The following ZCCHC2 variants were observed in gnomAD, a reference collection of about 807,000 sequenced individuals.
The protein encoded by ZCCHC2 is zinc finger CCHC-type containing 2.
In ZCCHC2, 39 loss-of-function variants were observed where a neutral mutation model predicts 103.6. The observed-to-expected ratio is 0.38, with a 90% confidence interval of 0.29 to 0.49. ZCCHC2 has a LOEUF of 0.49. Ranked by LOEUF, ZCCHC2 falls within the 20% of genes least tolerant of loss-of-function variation. ZCCHC2 has a pLI of 0.96. For synonymous variants in ZCCHC2, 687 were observed against 608.9 expected (o/e 1.13, Z -1.89); for missense variants, 1,483 against 1,491.0 (o/e 0.99, Z 0.09).
At chr18:62,541,723 T>C (rs547782491) in intron 2 of ZCCHC2, among the ~76,000 whole-genome samples, 2 of 152,346 alleles carry the variant, frequency 1.3e-5, no homozygotes, top group East Asian at 1.9e-4. Flanking sequence ...GAGTACGCTT[T>C]GTAGATTGGC....
chr18:62,539,860 G>A, intron 2 of ZCCHC2, 68 bp downstream of exon 2: 1 of 1,272,764 alleles, frequency 7.9e-7, no homozygotes, highest in Non-Finnish European at 1.1e-6. Context: ...TCTTTACGCT[G>A]ATTAACTCTA....
intron 3 of ZCCHC2, among the ~76,000 whole-genome samples, chr18:62,544,588 A>G (rs1915334072): frequency 6.6e-6 from 1 of 152,220 alleles, no homozygotes; most frequent in Non-Finnish European, 1.5e-5. Flanking sequence ...TGCCATTTTG[A>G]AAAGAGTTAT....
chr18:62,528,101 A>G (rs1485693356), intron 1 of ZCCHC2, among the ~76,000 whole-genome samples: 1 of 152,266 alleles, frequency 6.6e-6, no homozygotes, highest in Non-Finnish European at 1.5e-5. Context: ...TGTCACCAAG[A>G]TCTTCAAAGC....
In ZCCHC2 at chr18:62,556,772, C is replaced by T. The variant is rs141906302; in HGVS notation, c.1408+475C>T. Reference sequence around the variant, plus strand: ...AAGGATGTCTTCCTTTATGTCCCTTCGTCACCATCCCTTTGTTTACAGTTA... The same window carrying T: ...AAGGATGTCTTCCTTTATGTCCCTTTGTCACCATCCCTTTGTTTACAGTTA... On this transcript the variant is annotated intron_variant, in intron 6 of 13. Coordinates refer to ENST00000269499, the MANE Select transcript of ZCCHC2 (RefSeq NM_017742.6). Among the ~76,000 whole-genome samples, 25 of 152,340 alleles carry T rather than the reference C, an allele frequency of 1.6e-4. No homozygotes were observed. The East Asian group carries it at 4.2e-3, about 26-fold the overall frequency.
chr18:62,576,717 T>TTGGTAC lies in ZCCHC2; in HGVS notation c.*138_*139insTGGTAC. 1.3e-6 allele frequency: 1 copy of TTGGTAC among 779,154 alleles called. No individual in the cohort carries two copies. Among genetic ancestry groups the TTGGTAC allele is most frequent in the Non-Finnish European group, 2.0e-6 (1 of 491,146 alleles). 48.3% of individuals were successfully genotyped at this position (779,154 alleles called of 1,614,324 possible). A position where few individuals can be genotyped will look rare whatever the true frequency, so the allele number is the denominator to read the frequency against. On this transcript the variant is annotated 3_prime_UTR_variant, in exon 14 of 14. Transcript: ENST00000269499. ...TGCAGTTGGGATTTTTCATTTCTCTTGTACCAATGTCCAAAACAAGAAAGA... is the reference window on the plus strand; with the variant it reads ...TGCAGTTGGGATTTTTCATTTCTCTTTGGTACGTACCAATGTCCAAAACAAGAAAGA...
rs773239900 is a variant in ZCCHC2, at chr18:62,575,327, T to C, written c.3246T>C (p.Asn1082=). The C allele has an allele frequency of 2.5e-6, 4 of 1,613,946 alleles. No individual in the cohort carries two copies. In the South Asian group the frequency reaches 4.4e-5, roughly 18 times the overall value. Residue 1082 remains asparagine, a synonymous_variant, in exon 13 of 14, where the codon AAT becomes AAC. Transcript: ENST00000269499. Reference sequence around the variant, plus strand: ...TTCTGCCTCAGACTCCATATGCAAATGGACTGGTACATGACCCAGTCATGG... The same window carrying C: ...TTCTGCCTCAGACTCCATATGCAAACGGACTGGTACATGACCCAGTCATGG... ...PFFLPQTPYA[N]GLVHDPVMGS...
intron 8 of ZCCHC2, among the ~76,000 whole-genome samples, chr18:62,561,934 C>T (rs965816781): frequency 5.3e-5 from 8 of 152,150 alleles, no homozygotes; most frequent in African/African-American, 1.7e-4. Flanking sequence ...TCTCTTGCTC[C>T]GTCTTCCAAG....
At position 62,569,082 on chromosome 18, in the gene ZCCHC2, T is replaced by G. The variant is rs184679464; in HGVS notation, c.1847-1021T>G. 5.7e-4 allele frequency among the ~76,000 whole-genome samples: 87 copies of G among 152,342 alleles called. 1 individual carries two copies. The East Asian group carries it at 0.016, about 28-fold the overall frequency. On this transcript the variant is annotated intron_variant, in intron 11 of 13. Coordinates refer to ENST00000269499, the MANE Select transcript of ZCCHC2 (RefSeq NM_017742.6). The stretch of plus-strand genomic sequence containing the variant: ...CAGTTTTCCCTTGACAGTTTGACAT[T>G]TATTACTCAGAAGGAATTTAGCAAC...
At chr18:62,552,918 G>T (rs974671482) in intron 5 of ZCCHC2, among the ~76,000 whole-genome samples, 1 of 151,174 alleles carries the variant, frequency 6.6e-6, no homozygotes, top group South Asian at 2.1e-4. Context: ...GTATGTGGGT[G>T]ACTCCTTGTT....
intron 11 of ZCCHC2, among the ~76,000 whole-genome samples, chr18:62,566,460 A>G (rs1418662197): frequency 6.6e-6 from 1 of 152,188 alleles, no homozygotes; most frequent in Non-Finnish European, 1.5e-5. Context: ...GTCGGTGGAC[A>G]TTTGGAGATT....
Position 62,558,761 on chromosome 18 carries a change from CAAG to C in ZCCHC2, c.1490_1492del (p.Glu497del). The C allele has an allele frequency of 6.5e-7, 1 of 1,543,240 alleles. No individual in the cohort carries two copies. Among genetic ancestry groups the C allele is most frequent in the Middle Eastern group, 1.7e-4 (1 of 5,938 alleles). On this transcript the variant is annotated inframe_deletion, in exon 7 of 14. Coordinates refer to ENST00000269499, the MANE Select transcript of ZCCHC2 (RefSeq NM_017742.6). ...AGAAGACAGCTCTGAAGCTTCAAGT[CAAG>C]AAGAAGGTAAAGGTAGATTCACTAG...
intron 4 of ZCCHC2, among the ~76,000 whole-genome samples, chr18:62,546,101 T>C (rs1915394421): frequency 1.3e-5 from 2 of 152,154 alleles, no homozygotes; most frequent in South Asian, 4.1e-4. Context: ...CTGCCTTGGG[T>C]AAGATTAGGG....
chr18:62,579,933 G>A (rs1485618342), downstream of ZCCHC2, among the ~76,000 whole-genome samples: 1 of 151,872 alleles, frequency 6.6e-6, no homozygotes, highest in Non-Finnish European at 1.5e-5. Context: ...GTTTCACTGT[G>A]TTGGCCAGGC....
intron 2 of ZCCHC2, among the ~76,000 whole-genome samples, chr18:62,541,564 C>G (rs934966973): frequency 1.5e-4 from 1 of 6,748 alleles, no homozygotes; most frequent in Non-Finnish European, 1.9e-4. Context: ...GTACCCCCCA[C>G]ACCCATTCTG....
Position 62,576,961 on chromosome 18 carries a change from AAAAAG to A in ZCCHC2, c.*386_*390del, listed in dbSNP as rs905242122. The A allele has an allele frequency of 5.1e-5, 8 of 157,860 alleles. No homozygotes were observed. Among genetic ancestry groups the A allele is most frequent in the Admixed American group, 5.1e-4 (8 of 15,794 alleles). The allele number at this position is 157,860 out of a possible 1,614,324, so 9.8% of individuals were successfully genotyped here. ...GTGACAGTCATATGGTTTTGAAAAAAAAAAGAAATTTTGCTTCTTCCCAGCTTTTC... is the reference window on the plus strand; with the variant it reads ...GTGACAGTCATATGGTTTTGAAAAAAAAATTTTGCTTCTTCCCAGCTTTTC... On this transcript the variant is annotated 3_prime_UTR_variant, in exon 14 of 14. Coordinates refer to ENST00000269499, the MANE Select transcript of ZCCHC2 (RefSeq NM_017742.6).
chr18:62,541,587 C>A (rs1012094809), intron 2 of ZCCHC2, among the ~76,000 whole-genome samples: 2 of 152,088 alleles, frequency 1.3e-5, no homozygotes, highest in Non-Finnish European at 2.9e-5. Context: ...GAGTTACTTT[C>A]CTAACCTCTT....
rs1916932953 is a variant in ZCCHC2 at position 62,578,170 on chromosome 18, G to A, written c.*1591G>A. On this transcript the variant is annotated 3_prime_UTR_variant, in exon 14 of 14. Transcript: ENST00000269499. ...CTTTCTTTCAGGGGTGGGAGTTATG[G>A]GGAAGGGGTGGGTGTGAAGGGGTAG... is the stretch of plus-strand genomic sequence containing the variant. The A allele has an allele frequency of 6.6e-6, 1 of 152,358 alleles. No homozygotes were observed. Among genetic ancestry groups the A allele is most frequent in the South Asian group, 2.1e-4 (1 of 4,824 alleles). 9.4% of individuals were successfully genotyped at this position (152,358 alleles called of 1,614,324 possible).
chr18:62,564,668 C>G, intron 10 of ZCCHC2, 33 bp downstream of exon 10: 1 of 1,463,480 alleles, frequency 6.8e-7, no homozygotes, highest in Non-Finnish European at 9.3e-7. Context: ...CAGCATATAG[C>G]CTTTGATAAT....
chr18:62,568,773 A>G (rs1916474189), intron 11 of ZCCHC2, among the ~76,000 whole-genome samples: 3 of 152,216 alleles, frequency 2.0e-5, no homozygotes, highest in South Asian at 2.1e-4. Flanking sequence ...TGGGTTGTTC[A>G]TTTTGTTATA....
Sources: gnomAD v4.1 joint callset for allele counts (sites outside exome capture counted in the v4.1 genomes callset) on GRCh38, gnomAD v4.1.1 for gene constraint, MANE v1.5 for transcripts, NCBI Gene and HGNC (gene_info 2026-07-23, HGNC 2026-07-21) for gene names.